DPP10: variants seen among roughly 807,000 people sequenced by gnomAD.
DPP10 encodes the protein inactive dipeptidyl peptidase 10.
Under a neutral mutation model 120.9 loss-of-function variants are expected in DPP10, and 33 were observed. That is an observed-to-expected ratio of 0.27 (90% CI 0.21 to 0.37). The LOEUF (loss-of-function observed/expected upper bound fraction) is 0.37, where lower values mean the gene tolerates loss of function less well. Among genes scored for constraint, DPP10 ranks in the 10% least tolerant of loss-of-function variants. The pLI is 1.00. For synonymous variants in DPP10, 337 were observed against 326.1 expected (o/e 1.03, Z -0.36); for missense variants, 816 against 942.8 (o/e 0.87, Z 1.76).
At chr2:115,690,185 A>C (rs913125106) in intron 7 of DPP10, among the ~76,000 whole-genome samples, 1 of 152,202 alleles carries the variant, frequency 6.6e-6, no homozygotes, top group African/African-American at 2.4e-5. Context: ...AAGAGATTCA[A>C]GGTTACTAGG....
chr2:115,637,775 G>T (rs760222851), intron 5 of DPP10, among the ~76,000 whole-genome samples: 1 of 152,162 alleles, frequency 6.6e-6, no homozygotes, highest in Non-Finnish European at 1.5e-5. Flanking sequence ...CCTACACACA[G>T]CTCTCACTGA....
At chr2:115,638,742 T>A (rs2086549904) in intron 5 of DPP10, among the ~76,000 whole-genome samples, 1 of 151,884 alleles carries the variant, frequency 6.6e-6, no homozygotes, top group South Asian at 2.1e-4. Flanking sequence ...AGACTAAGAG[T>A]GGAGTTGATT....
intron 1 of DPP10, among the ~76,000 whole-genome samples, chr2:115,174,704 G>A (rs954548608): frequency 2.0e-5 from 3 of 152,072 alleles, no homozygotes; most frequent in South Asian, 2.1e-4. Context: ...TACAGTTCTC[G>A]AATTGTTTTC....
At chr2:114,734,885 T>C (rs1677267704) in intron 1 of DPP10, among the ~76,000 whole-genome samples, 2 of 152,156 alleles carry the variant, frequency 1.3e-5, no homozygotes, top group Non-Finnish European at 2.9e-5. Flanking sequence ...TTTCTCAAAG[T>C]TCTGGATGTT....
At chr2:114,911,847 C>T (rs1339106680) in intron 1 of DPP10, among the ~76,000 whole-genome samples, 2 of 152,086 alleles carry the variant, frequency 1.3e-5, no homozygotes, top group Non-Finnish European at 2.9e-5. Flanking sequence ...ACACTTGCTG[C>T]TCTGTAGAGA....
chr2:115,014,134 A>G (rs1702465231), intron 1 of DPP10, among the ~76,000 whole-genome samples: 1 of 152,190 alleles, frequency 6.6e-6, no homozygotes. Context: ...TGGAAATCAT[A>G]ACAAACAGTC....
At chr2:114,947,225 G>A (rs1697431352) in intron 1 of DPP10, among the ~76,000 whole-genome samples, 1 of 151,868 alleles carries the variant, frequency 6.6e-6, no homozygotes, top group Non-Finnish European at 1.5e-5. Context: ...GACCTGGATT[G>A]GTGATTGTTG....
rs530863988 is a variant in DPP10 at position 114,503,953 on chromosome 2, C to G, written c.60+61115C>G. Among the ~76,000 whole-genome samples, 2 of 152,268 alleles carry G rather than the reference C, an allele frequency of 1.3e-5. 1 individual carries two copies. The highest frequency in any genetic ancestry group is 4.1e-4 in the South Asian group (2 of 4,822). On this transcript the variant is annotated intron_variant, in intron 1 of 25. Transcript: ENST00000410059. Reference sequence around the variant, plus strand: ...AGAATGCCTATGTGGGGGAAAGAATCACAAGTAGTAAAGAGCTTACCTTGA... The same window carrying G: ...AGAATGCCTATGTGGGGGAAAGAATGACAAGTAGTAAAGAGCTTACCTTGA...
chr2:115,827,410 G>GTATATATA (rs1477286267), intron 21 of DPP10, among the ~76,000 whole-genome samples: 5 of 97,250 alleles, frequency 5.1e-5, no homozygotes, highest in Non-Finnish European at 1.0e-4. Flanking sequence ...GTGTATGTGT[G>GTATATATA]TGTGTATATA....
chr2:115,298,138 C>G (rs1446401582), intron 1 of DPP10, among the ~76,000 whole-genome samples: 3 of 152,006 alleles, frequency 2.0e-5, no homozygotes, highest in Non-Finnish European at 2.9e-5. Flanking sequence ...ATGTGCTTTA[C>G]TAGGTGTTAT....
At chr2:114,518,591 T>C (rs984485780) in intron 1 of DPP10, among the ~76,000 whole-genome samples, 5 of 152,152 alleles carry the variant, frequency 3.3e-5, no homozygotes, top group African/African-American at 1.2e-4. Flanking sequence ...ACCTCCTGCA[T>C]GTGGTGTCCT....
intron 21 of DPP10, among the ~76,000 whole-genome samples, chr2:115,831,637 C>T (rs1315571166): frequency 1.3e-5 from 2 of 152,196 alleles, no homozygotes; most frequent in African/African-American, 2.4e-5. Context: ...CCACAGCAAA[C>T]ATAAATTTTG....
At chr2:114,468,654 A>G (rs1042649711) in intron 1 of DPP10, among the ~76,000 whole-genome samples, 1 of 152,156 alleles carries the variant, frequency 6.6e-6, no homozygotes, top group African/African-American at 2.4e-5. Flanking sequence ...GAACTCTTGT[A>G]ATTCTAGTAA....
chr2:114,945,587 G>A (rs973085612), intron 1 of DPP10, among the ~76,000 whole-genome samples: 6 of 152,140 alleles, frequency 3.9e-5, no homozygotes, highest in African/African-American at 1.4e-4. Flanking sequence ...GGCCGAGGCG[G>A]GTGGATCACC....
At chr2:115,812,828 C>T (rs1686787167) in intron 19 of DPP10, among the ~76,000 whole-genome samples, 1 of 151,998 alleles carries the variant, frequency 6.6e-6, no homozygotes, top group African/African-American at 2.4e-5. Flanking sequence ...TAATAGAAAA[C>T]TTACTCCCAA....
In DPP10 at chr2:114,895,751, C is replaced by G. The variant is rs539615695; in HGVS notation, c.61-413488C>G. Among the ~76,000 whole-genome samples, 7 of 152,276 alleles carry G rather than the reference C, an allele frequency of 4.6e-5. No individual in the cohort carries two copies. The East Asian group carries it at 1.2e-3, about 25-fold the overall frequency. On this transcript the variant is annotated intron_variant, in intron 1 of 25. Transcript: ENST00000410059. ...ACTGACAGAGTAACGAAAAAGTATT[C>G]AAACAGGAATTGGGACACTTGTGTC...
intron 1 of DPP10, among the ~76,000 whole-genome samples, chr2:115,183,017 AC>A (rs2054181847): frequency 6.6e-6 from 1 of 152,064 alleles, no homozygotes; most frequent in African/African-American, 2.4e-5. Context: ...ACACGCACAC[AC>A]ACACACACAC....
chr2:114,619,240 A>G (rs957539395), intron 1 of DPP10, among the ~76,000 whole-genome samples: 1 of 152,102 alleles, frequency 6.6e-6, no homozygotes, highest in Non-Finnish European at 1.5e-5. Flanking sequence ...AAGGAAAAAA[A>G]GAAGTAAACT....
chr2:114,983,207 A>G (rs545423629), intron 1 of DPP10, among the ~76,000 whole-genome samples: 1 of 152,298 alleles, frequency 6.6e-6, no homozygotes, highest in African/African-American at 2.4e-5. Flanking sequence ...ACGATTTTAA[A>G]TCAGGGTTAT....
Sources: gnomAD v4.1 joint callset for allele counts (sites outside exome capture counted in the v4.1 genomes callset) on GRCh38, gnomAD v4.1.1 for gene constraint, MANE v1.5 for transcripts, NCBI Gene and HGNC (gene_info 2026-07-23, HGNC 2026-07-21) for gene names.